ZNF500: variants seen among roughly 807,000 people sequenced by gnomAD.
The protein encoded by ZNF500 is zinc finger protein 500, also known as zinc finger protein with KRAB and SCAN domains 18.
A neutral mutation model predicts 30.1 loss-of-function variants in ZNF500; 31 were observed. The ratio of observed to expected loss-of-function variants is 1.03; its 90% confidence interval spans 0.77 to 1.39. The LOEUF is 1.39. Among genes scored for constraint, ZNF500 ranks in the 40% most tolerant of loss-of-function variants. The pLI is 0.00. For missense variants in ZNF500, 817 were observed against 657.8 expected (o/e 1.24, Z -2.65); for synonymous variants, 392 against 282.0 (o/e 1.39, Z -3.91).
chr16:4,752,542 G>C lies in ZNF500; in HGVS notation c.1277C>G (p.Ala426Gly). The change falls in exon 6 of 6, where the codon GCC (alanine) becomes GGC (glycine). Residue 426 changes from alanine to glycine, a missense_variant. Coordinates refer to ENST00000219478, the MANE Select transcript of ZNF500 (RefSeq NM_021646.4). Reference protein sequence around the residue: ...KRFNNSSHFSAHRRTHTGEKP... With the variant: ...KRFNNSSHFSGHRRTHTGEKP... ...CTCACCTGTGTGCGTCCGGCGGTGG[G>C]CGCTGAAGTGCGAGCTGTTGTTGAA... 3 of 1,567,060 alleles carry C rather than the reference G, an allele frequency of 1.9e-6. No homozygotes were observed. Among genetic ancestry groups the C allele is most frequent in the Non-Finnish European group, 2.6e-6 (3 of 1,160,454 alleles).
downstream of ZNF500, chr16:4,746,327 A>G (rs1183312809): frequency 7.0e-6 from 11 of 1,567,750 alleles, no homozygotes; most frequent in Non-Finnish European, 3.5e-6. Flanking sequence ...CAGGTCACAG[A>G]GTTATCACAG....
At position 4,751,527 on chromosome 16, in the gene ZNF500, G is replaced by A; in HGVS notation, c.*849C>T. 1 of 1,514,460 alleles carries A rather than the reference G, an allele frequency of 6.6e-7. No homozygotes were observed. Among genetic ancestry groups the A allele is most frequent in the Non-Finnish European group, 8.8e-7 (1 of 1,134,016 alleles). 93.8% of individuals were successfully genotyped at this position (1,514,460 alleles called of 1,614,324 possible). On this transcript the variant is annotated 3_prime_UTR_variant, in exon 6 of 6. Transcript: ENST00000219478. ...GGACTGGAATGCTGCAGAGCCCCGG[G>A]CTCCATTTGGAAACTCTGGCAGGAT... is the stretch of plus-strand genomic sequence containing the variant.
At chr16:4,754,807 CTCATGTCAGACTGTAA>C (rs1347922216) in intron 5 of ZNF500, among the ~76,000 whole-genome samples, 1 of 152,082 alleles carries the variant, frequency 6.6e-6, no homozygotes, top group Middle Eastern at 3.2e-3. Context: ...TCACCCAAAT[CTCATGTCAGACTGTAA>C]TCCCCAATGT....
chr16:4,757,169 T>C lies in ZNF500; in HGVS notation c.760+3323A>G, dbSNP rs187215745. Among the ~76,000 whole-genome samples, 7 of 152,334 alleles carry C rather than the reference T, an allele frequency of 4.6e-5. No individual in the cohort carries two copies. In the East Asian group the frequency reaches 9.6e-4, roughly 21 times the overall value. Reference sequence around the variant, plus strand: ...CTGAAATATGGCTAATTTTATGTTATGTGAATTTCTTTTTCTTTGAGCAGC... The same window carrying C: ...CTGAAATATGGCTAATTTTATGTTACGTGAATTTCTTTTTCTTTGAGCAGC... On this transcript the variant is annotated intron_variant, in intron 5 of 5. Coordinates refer to ENST00000219478, the MANE Select transcript of ZNF500 (RefSeq NM_021646.4).
At chr16:4,762,782 C>G (rs1182067638) in intron 2 of ZNF500, 26 bp from the exon 3 acceptor site, 9 of 1,558,062 alleles carry the variant, frequency 5.8e-6, no homozygotes, top group Non-Finnish European at 7.8e-6. Context: ...GATCTCCCCA[C>G]CAGCTCCCAG....
Position 4,759,606 on chromosome 16 carries a change from A to G in ZNF500, c.760+886T>C, listed in dbSNP as rs936681792. ...CTGGCCTGCAGATTTCAGACTTGTC[A>G]ACTTCTGTAAGCAACCAAGGGAGCT... On this transcript the variant is annotated intron_variant, in intron 5 of 5. Transcript: ENST00000219478. Among the ~76,000 whole-genome samples the G allele has an allele frequency of 5.3e-5, 8 of 152,220 alleles. 1 individual carries two copies. Among genetic ancestry groups the G allele is most frequent in the Middle Eastern group, 6.8e-3 (2 of 294 alleles).
intron 2 of ZNF500, among the ~76,000 whole-genome samples, chr16:4,764,717 G>C (rs1051064149): frequency 6.7e-6 from 1 of 149,758 alleles, no homozygotes; most frequent in African/African-American, 2.5e-5. Context: ...GGGAGGCGGA[G>C]CTTGCAGTGA....
intron 5 of ZNF500, among the ~76,000 whole-genome samples, chr16:4,754,825 C>A (rs2082119976): frequency 6.6e-6 from 1 of 152,116 alleles, no homozygotes; most frequent in African/African-American, 2.4e-5. Flanking sequence ...AGACTGTAAT[C>A]CCCAATGTGG....
rs1490166380 is a variant in ZNF500 at position 4,752,502 on chromosome 16, G to A, written c.1317C>T (p.Cys439=). 6.4e-7 allele frequency: 1 copy of A among 1,554,202 alleles called. No homozygotes were observed. The highest frequency in any genetic ancestry group is 8.7e-7 in the Non-Finnish European group (1 of 1,154,758). ...GGCGGAAGCCCCGGCCACAGGCCGGGCAGGTGTAGGGCTTCTCACCTGTGT... is the reference window on the plus strand; with the variant it reads ...GGCGGAAGCCCCGGCCACAGGCCGGACAGGTGTAGGGCTTCTCACCTGTGT... ...RTHTGEKPYT[C]PACGRGFRRG... is the part of the protein sequence containing the mutation. Residue 439 remains cysteine (C), a synonymous_variant, in exon 6 of 6, where the codon TGC becomes TGT. Transcript: ENST00000219478.
chr16:4,765,953 G>A lies in ZNF500; in HGVS notation c.26C>T (p.Pro9Leu), dbSNP rs1240294519. MATVPGLQ[P>L]LPTLEQDLEQ... Reference sequence around the variant, plus strand: ...CAGGTCCTGCTCCAAGGTTGGCAGGGGCTGGAGGCCAGGGACAGTGGCCAT... The same window carrying A: ...CAGGTCCTGCTCCAAGGTTGGCAGGAGCTGGAGGCCAGGGACAGTGGCCAT... Residue 9 changes from proline (P) to leucine (L), a missense_variant, in exon 2 of 6, where the codon CCC (proline) becomes CTC (leucine). Coordinates refer to ENST00000219478, the MANE Select transcript of ZNF500 (RefSeq NM_021646.4). The A allele has an allele frequency of 1.3e-6, 2 of 1,585,168 alleles. No individual in the cohort carries two copies. Among genetic ancestry groups the A allele is most frequent in the Admixed American group, 1.8e-5 (1 of 55,098 alleles).
Position 4,752,625 on chromosome 16 carries a change from G to C in ZNF500, c.1194C>G (p.Ile398Met), listed in dbSNP as rs1217989419. Residue 398 changes from isoleucine to methionine, a missense_variant, in exon 6 of 6, where the codon ATC (isoleucine) becomes ATG (methionine). Transcript: ENST00000219478. The stretch of plus-strand genomic sequence containing the variant: ...GCTCCCCGCTGTGTGTCCTGCGGTG[G>C]ATGACCAGGCTGGAGCTCTGGCTGA... ...KRFSQSSSLV[I>M]HRRTHSGERP... 1 of 1,609,146 alleles carries C rather than the reference G, an allele frequency of 6.2e-7. No homozygotes were observed. Among genetic ancestry groups the C allele is most frequent in the Non-Finnish European group, 8.5e-7 (1 of 1,177,968 alleles).
At chr16:4,747,035 C>A (rs1385516894), downstream of ZNF500, 1 of 1,522,516 alleles carries the variant, frequency 6.6e-7, no homozygotes, top group Non-Finnish European at 8.8e-7. Context: ...GGTAACCACC[C>A]AGGGGCCTCT....
At chr16:4,766,175 C>A in intron 1 of ZNF500, 99 bp from the exon 2 acceptor site, 2 of 506,630 alleles carry the variant, frequency 3.9e-6, no homozygotes, top group Non-Finnish European at 6.7e-6. Flanking sequence ...CCAGCTCACC[C>A]CACCATGGAA....
intron 2 of ZNF500, among the ~76,000 whole-genome samples, chr16:4,763,418 A>G (rs1596506205): frequency 1.4e-5 from 2 of 146,916 alleles, no homozygotes; most frequent in African/African-American, 5.0e-5. Context: ...AAAAAAAAAA[A>G]GAAAAAAAAA....
At chr16:4,762,409 G>A in intron 3 of ZNF500, 74 bp from the exon 4 acceptor site, 1 of 1,529,226 alleles carries the variant, frequency 6.5e-7, no homozygotes, top group Non-Finnish European at 8.8e-7. Flanking sequence ...GCACACCAAG[G>A]CCCCAACAGC....
chr16:4,752,848 G>A lies in ZNF500; in HGVS notation c.971C>T (p.Pro324Leu), dbSNP rs150551161. The A allele has an allele frequency of 1.4e-5, 23 of 1,614,086 alleles. No individual in the cohort carries two copies. The highest frequency in any genetic ancestry group is 1.6e-4 in the Middle Eastern group (1 of 6,084). ...TTTGCCACATTCGGGGCAGGTGTACGGCTTGTCAGCCCCATGGGAAGCCCG... is the reference window on the plus strand; with the variant it reads ...TTTGCCACATTCGGGGCAGGTGTACAGCTTGTCAGCCCCATGGGAAGCCCG... Reference protein sequence around the residue: ...GRRASHGADKPYTCPECGKGF... With the variant: ...GRRASHGADKLYTCPECGKGF... The change falls in exon 6 of 6, where the codon CCG becomes CTG. Residue 324 changes from proline (P) to leucine (L), a missense_variant. Coordinates refer to ENST00000219478, the MANE Select transcript of ZNF500 (RefSeq NM_021646.4).
chr16:4,755,857 G>C (rs958352554), intron 5 of ZNF500, among the ~76,000 whole-genome samples: 1 of 152,152 alleles, frequency 6.6e-6, no homozygotes, highest in Non-Finnish European at 1.5e-5. Context: ...TCCATACAGT[G>C]GAATACTATT....
Position 4,767,086 on chromosome 16 carries a change from G to A in ZNF500, c.-168C>T, listed in dbSNP as rs2082271677. 6.6e-6 allele frequency: 1 copy of A among 152,404 alleles called. No individual in the cohort carries two copies. Among genetic ancestry groups the A allele is most frequent in the Non-Finnish European group, 1.5e-5 (1 of 68,158 alleles). The allele number at this position is 152,404 out of a possible 1,614,324, so 9.4% of individuals were successfully genotyped here. On this transcript the variant is annotated 5_prime_UTR_variant, in exon 1 of 6. Coordinates refer to ENST00000219478, the MANE Select transcript of ZNF500 (RefSeq NM_021646.4). ...GGCGGGTCTCGGCGGGAGTAGGACT[G>A]CGGGCCTCAGGCTTGGCAGCCAGGG...
At chr16:4,755,499 T>C (rs1304301967) in intron 5 of ZNF500, among the ~76,000 whole-genome samples, 1 of 151,756 alleles carries the variant, frequency 6.6e-6, no homozygotes, top group Non-Finnish European at 1.5e-5. Flanking sequence ...GTATTTTTAG[T>C]AGAGAAAGAG....
Sources: allele counts gnomAD v4.1 joint callset (sites outside exome capture counted in the v4.1 genomes callset), GRCh38; gene constraint gnomAD v4.1.1; transcripts MANE v1.5; gene names NCBI Gene and HGNC (gene_info 2026-07-23, HGNC 2026-07-21).